The following UBR2 variants were observed in gnomAD, a reference collection of about 807,000 sequenced individuals.
UBR2 encodes E3 ubiquitin-protein ligase UBR2.
UBR2 carries 92 observed loss-of-function variants against 247.9 expected under a neutral mutation model. The ratio of observed to expected loss-of-function variants is 0.37; its 90% CI spans 0.31 to 0.44. The LOEUF (loss-of-function observed/expected upper bound fraction) is 0.44. Ranked by LOEUF, UBR2 falls within the 20% of genes least tolerant of loss-of-function variation. The pLI is 1.00. For missense variants in UBR2, 1,613 were observed against 2,112.6 expected (o/e 0.76, Z 4.64); for synonymous variants, 672 against 693.5 (o/e 0.97, Z 0.49).
intron 7 of UBR2, among the ~76,000 whole-genome samples, chr6:42,609,656 A>C (rs540003605): frequency 3.3e-5 from 5 of 152,210 alleles, no homozygotes; most frequent in African/African-American, 1.2e-4. Flanking sequence ...AGGCCAAGGC[A>C]GGCAGATTGC....
chr6:42,589,213 C>T (rs957208346), intron 2 of UBR2, among the ~76,000 whole-genome samples: 2 of 152,200 alleles, frequency 1.3e-5, no homozygotes, highest in Non-Finnish European at 2.9e-5. Flanking sequence ...AAGCGATCCT[C>T]TCACCTCAGC....
chr6:42,654,031 T>C (rs1289441212), intron 25 of UBR2, among the ~76,000 whole-genome samples: 1 of 152,154 alleles, frequency 6.6e-6, no homozygotes, highest in East Asian at 1.9e-4. Flanking sequence ...TTAGGGTATA[T>C]ATTAATAGCT....
intron 25 of UBR2, 62 bp downstream of exon 25, chr6:42,652,707 T>C (rs1174327393): frequency 6.8e-7 from 1 of 1,467,798 alleles, no homozygotes; most frequent in Non-Finnish European, 9.2e-7. Context: ...AAAATATTCT[T>C]GTCTGTATCT....
At chr6:42,681,777 A>G (rs1005990162) in intron 42 of UBR2, among the ~76,000 whole-genome samples, 3 of 152,224 alleles carry the variant, frequency 2.0e-5, no homozygotes, top group Non-Finnish European at 2.9e-5. Flanking sequence ...GAAAGCAGGA[A>G]CTCAGATCAA....
At chr6:42,623,167 G>A (rs1795108559) in intron 11 of UBR2, among the ~76,000 whole-genome samples, 1 of 152,006 alleles carries the variant, frequency 6.6e-6, no homozygotes, top group Non-Finnish European at 1.5e-5. Flanking sequence ...CTGATCTCAG[G>A]GGGAAAACTT....
rs1453065357 is a variant in UBR2 at position 42,689,906 on chromosome 6, T to A, written c.5126+236T>A. 6.6e-6 allele frequency among the ~76,000 whole-genome samples: 1 copy of A among 152,136 alleles called. No individual in the cohort carries two copies. The highest frequency in any genetic ancestry group is 1.5e-5 in the Non-Finnish European group (1 of 68,018). ...AGAATAGGACAGAGTGCAACTTTAT[T>A]CCATTTATCACTCCAAAGAACTGTT... On this transcript the variant is annotated intron_variant, in intron 46 of 46. Coordinates refer to ENST00000372901, the MANE Select transcript of UBR2 (RefSeq NM_001363705.2). This position sits in a 1 kb window ranked among gnomAD's most constrained non-coding sequence, Gnocchi z 4.0.
chr6:42,683,187 C>A, intron 43 of UBR2, 76 bp downstream of exon 43: 1 of 1,212,386 alleles, frequency 8.2e-7, no homozygotes, highest in South Asian at 1.3e-5. Flanking sequence ...TATATTCCTT[C>A]AGAAACTGAC....
At chr6:42,633,982 C>T (rs1026246784) in intron 13 of UBR2, among the ~76,000 whole-genome samples, 9 of 152,302 alleles carry the variant, frequency 5.9e-5, no homozygotes, top group African/African-American at 2.2e-4. Flanking sequence ...CCGCCCACCT[C>T]GGCCTCCCAA....
intron 8 of UBR2, among the ~76,000 whole-genome samples, chr6:42,614,387 T>TGTACGTAC (rs1283929351): frequency 1.6e-5 from 2 of 127,748 alleles, no homozygotes; most frequent in African/African-American, 6.0e-5. Flanking sequence ...TATATATGTA[T>TGTACGTAC]GTACGTACAT....
intron 7 of UBR2, among the ~76,000 whole-genome samples, chr6:42,608,685 TAGTTC>T: frequency 6.6e-6 from 1 of 152,218 alleles, no homozygotes; most frequent in Non-Finnish European, 1.5e-5. Context: ...TGTGAAATGG[TAGTTC>T]ATCAGTTAAA....
chr6:42,670,818 T>A, intron 36 of UBR2, 103 bp downstream of exon 36: 1 of 815,370 alleles, frequency 1.2e-6, no homozygotes, highest in Non-Finnish European at 1.9e-6. Flanking sequence ...ACACCTTCAC[T>A]TCTTTCGTAG....
chr6:42,578,263 T>A (rs990884676), intron 2 of UBR2, among the ~76,000 whole-genome samples: 14 of 152,254 alleles, frequency 9.2e-5, no homozygotes, highest in African/African-American at 3.4e-4. Context: ...TTCCACAAGC[T>A]TACTGTAATG....
intron 12 of UBR2, 41 bp downstream of exon 12, chr6:42,632,756 G>A: frequency 6.3e-7 from 1 of 1,589,282 alleles, no homozygotes; most frequent in Non-Finnish European, 8.5e-7. Context: ...GCAATTTATA[G>A]AAAGTCAATG....
chr6:42,679,581 A>G, intron 41 of UBR2, 143 bp from the exon 42 acceptor site: 1 of 664,246 alleles, frequency 1.5e-6, no homozygotes, highest in South Asian at 1.7e-5. Flanking sequence ...TCCATGTGCC[A>G]TTCTGTTAAC....
intron 10 of UBR2, among the ~76,000 whole-genome samples, chr6:42,616,677 A>G (rs1169083824): frequency 6.6e-6 from 1 of 150,458 alleles, no homozygotes; most frequent in Non-Finnish European, 1.5e-5. Flanking sequence ...ACTCTAGGTT[A>G]TTAATATAGT....
intron 7 of UBR2, among the ~76,000 whole-genome samples, chr6:42,608,457 C>G (rs920779353): frequency 5.3e-5 from 8 of 151,940 alleles, no homozygotes; most frequent in Non-Finnish European, 1.0e-4. Context: ...AAGACCCCGA[C>G]TCTACAAAAA....
chr6:42,654,066 G>C (rs1333511975), intron 25 of UBR2, among the ~76,000 whole-genome samples: 1 of 152,184 alleles, frequency 6.6e-6, no homozygotes, highest in Non-Finnish European at 1.5e-5. Context: ...CCAGGATTCA[G>C]ATTCAAATTT....
At position 42,606,648 on chromosome 6, in the gene UBR2, T is replaced by G; in HGVS notation, c.861T>G (p.Ile287Met). Residue 287 changes from isoleucine (I) to methionine (M), a missense_variant, in exon 7 of 47, where the codon ATT becomes ATG. Coordinates refer to ENST00000372901, the MANE Select transcript of UBR2 (RefSeq NM_001363705.2). ...ATTGTGAGCAAGCAAAATCAGTAATTGTGGTAAGTAATTTAAAAACATGCT... is the reference window on the plus strand; with the variant it reads ...ATTGTGAGCAAGCAAAATCAGTAATGGTGGTAAGTAATTTAAAAACATGCT... The part of the protein sequence containing the change: ...FQYCEQAKSV[I>M]VRNTSRQTKP... The G allele has an allele frequency of 1.2e-6, 2 of 1,602,652 alleles. No homozygotes were observed. Among genetic ancestry groups the G allele is most frequent in the South Asian group, 1.1e-5 (1 of 88,118 alleles).
chr6:42,687,829 C>T (rs1195876629), intron 44 of UBR2, among the ~76,000 whole-genome samples: 1 of 152,218 alleles, frequency 6.6e-6, no homozygotes, highest in African/African-American at 2.4e-5. Flanking sequence ...GCGTGAGCCA[C>T]TGCACCCAGC....
Sources: allele counts gnomAD v4.1 joint callset (sites outside exome capture counted in the v4.1 genomes callset), GRCh38; gene constraint gnomAD v4.1.1; non-coding constraint Gnocchi (gnomAD v3.1); transcripts MANE v1.5; gene names NCBI Gene and HGNC (gene_info 2026-07-23, HGNC 2026-07-21).